The following DHTKD1 variants were observed in gnomAD, a reference collection of about 807,000 sequenced individuals.
The protein encoded by DHTKD1 is dehydrogenase E1 and transketolase domain containing 1, also known as 2-oxoadipate dehydrogenase complex component E1.
In DHTKD1, 78 loss-of-function variants were observed where a neutral mutation model predicts 101.8. The observed-to-expected ratio is 0.77, with a 90% confidence interval of 0.64 to 0.93. The LOEUF is 0.93. Ranked by LOEUF, DHTKD1 falls within the 40% of genes least tolerant of loss-of-function variation. The probability of loss-of-function intolerance (pLI) is 0.00; values close to 1 mark genes in which losing one functional copy is unlikely to be tolerated. For synonymous variants in DHTKD1, 462 were observed against 450.3 expected, an observed-to-expected ratio of 1.03 and a Z score of -0.33; for missense variants, 1,223 against 1,161.7, an observed-to-expected ratio of 1.05 and a Z score of -0.77.
chr10:12,091,509 T>TTA lies in DHTKD1; in HGVS notation c.988-3_988-2dup, dbSNP rs774180375. 1.3e-6 allele frequency: 2 copies of TTA among 1,581,392 alleles called. No homozygotes were observed. Among genetic ancestry groups the TTA allele is most frequent in the East Asian group, 4.6e-5 (2 of 43,040 alleles). ...CCACCCGCTCCCCTTGCCTCATGAT[T>TTA]TAGGTCCATGGTGATGCTTCTTTCT... On this transcript the variant is annotated splice_polypyrimidine_tract_variant and splice_region_variant and intron_variant, in intron 5 of 16. Coordinates refer to ENST00000263035, the MANE Select transcript of DHTKD1 (RefSeq NM_018706.7).
chr10:12,085,855 G>A (rs1377504384), intron 3 of DHTKD1, among the ~76,000 whole-genome samples: 1 of 152,110 alleles, frequency 6.6e-6, no homozygotes, highest in Non-Finnish European at 1.5e-5. Flanking sequence ...CCACTGCAGT[G>A]AGCTAAGATT....
chr10:12,120,662 T>G, intron 16 of DHTKD1, 125 bp from the exon 17 acceptor site: 1 of 806,012 alleles, frequency 1.2e-6, no homozygotes, highest in Non-Finnish European at 2.1e-6. Flanking sequence ...GCGTAACTCA[T>G]TATTTGAAAG....
chr10:12,097,795 T>A lies in DHTKD1; in HGVS notation c.1470T>A (p.Asp490Glu), dbSNP rs750701596. The A allele has an allele frequency of 6.2e-7, 1 of 1,614,060 alleles. No homozygotes were observed. The highest frequency in any genetic ancestry group is 2.2e-5 in the East Asian group (1 of 44,902). Residue 490 changes from aspartate (D) to glutamate (E), a missense_variant, in exon 8 of 17, where the codon GAT (aspartate) becomes GAA (glutamate). Coordinates refer to ENST00000263035, the MANE Select transcript of DHTKD1 (RefSeq NM_018706.7). ...IKSSYYAKLN[D>E]HLNNMAHYRP... is the part of the protein sequence containing the mutation. ...CCTCCTACTATGCCAAGTTGAATGA[T>A]CACTTAAATAACATGGCCCACTACA...
At position 12,107,110 on chromosome 10, in the gene DHTKD1, G is replaced by A. The variant is rs150737074; in HGVS notation, c.2047+714G>A. On this transcript the variant is annotated intron_variant, in intron 11 of 16. Transcript: ENST00000263035. This position sits in a 1 kb window ranked among gnomAD's most constrained non-coding sequence, Gnocchi z 4.1. ...CACGATTCTCCTGCCTCAGCCTCCC[G>A]AGTAGCTGGGACTACATAGGCGCTG... Among the ~76,000 whole-genome samples the A allele has an allele frequency of 2.4e-3, 367 of 151,432 alleles. 1 individual carries two copies. The highest frequency in any genetic ancestry group is 8.5e-3 in the African/African-American group (352 of 41,304).
In DHTKD1 at chr10:12,120,977, T is replaced by C. The variant is rs1015411130; in HGVS notation, c.*89T>C. 3.3e-6 allele frequency: 4 copies of C among 1,215,980 alleles called. No homozygotes were observed. In the African/African-American group the frequency reaches 6.0e-5, roughly 18 times the overall value. The allele number at this position is 1,215,980 out of a possible 1,614,324, so 75.3% of individuals were successfully genotyped here. A position where few individuals can be genotyped will look rare whatever the true frequency, so the allele number is the denominator to read the frequency against. On this transcript the variant is annotated 3_prime_UTR_variant, in exon 17 of 17. Coordinates refer to ENST00000263035, the MANE Select transcript of DHTKD1 (RefSeq NM_018706.7). ...GCACATGCCTGTAATCCCAGCACTTTGGGAGGCCAAGGCTGGTGGATCACC... is the reference window on the plus strand; with the variant it reads ...GCACATGCCTGTAATCCCAGCACTTCGGGAGGCCAAGGCTGGTGGATCACC...
chr10:12,082,333 G>T (rs10906067), intron 2 of DHTKD1, among the ~76,000 whole-genome samples: 3 of 151,980 alleles, frequency 2.0e-5, no homozygotes, highest in East Asian at 3.9e-4. Flanking sequence ...GCTGATACCC[G>T]CCTCATTCTG....
intron 5 of DHTKD1, among the ~76,000 whole-genome samples, chr10:12,090,120 T>G (rs1209358033): frequency 6.6e-6 from 1 of 152,214 alleles, no homozygotes; most frequent in Non-Finnish European, 1.5e-5. Flanking sequence ...TGGGCTGTGG[T>G]CATGTTTCTT....
At position 12,091,726 on chromosome 10, in the gene DHTKD1, T is replaced by C. The variant is rs371139215; in HGVS notation, c.1159+42T>C. ...GGAACTGATATTGCTGAAGCCGACA[T>C]GGAATTCCTAGGGAAACCTCTGGTG... is the stretch of plus-strand genomic sequence containing the variant. On this transcript the variant is annotated intron_variant, in intron 6 of 16. Transcript: ENST00000263035. 2.5e-6 allele frequency: 4 copies of C among 1,591,120 alleles called. No homozygotes were observed. In the Admixed American group the frequency reaches 6.8e-5, roughly 27 times the overall value.
rs550228947 is a variant in DHTKD1, at chr10:12,080,745, T to A, written c.155-727T>A. On this transcript the variant is annotated intron_variant, in intron 1 of 16. Coordinates refer to ENST00000263035, the MANE Select transcript of DHTKD1 (RefSeq NM_018706.7). The stretch of plus-strand genomic sequence containing the variant: ...AAAAGAAAAGAAGAAAAAGAAGAAG[T>A]TTGAAAATATGCTAACAATTGTCTC... Among the ~76,000 whole-genome samples, 85 of 151,164 alleles carry A rather than the reference T, an allele frequency of 5.6e-4. 1 individual carries two copies. The South Asian group carries it at 0.013, about 23-fold the overall frequency.
chr10:12,101,685 C>T (rs768820691), intron 10 of DHTKD1, among the ~76,000 whole-genome samples: 12 of 152,048 alleles, frequency 7.9e-5, no homozygotes, highest in Non-Finnish European at 1.8e-4. Flanking sequence ...CTCACTGCAA[C>T]CTCCACCTCC....
chr10:12,087,767 G>A lies in DHTKD1; in HGVS notation c.717+38G>A, dbSNP rs773515693. 6.0e-6 allele frequency: 9 copies of A among 1,493,536 alleles called. No homozygotes were observed. The highest frequency in any genetic ancestry group is 1.4e-5 in the African/African-American group (1 of 71,428). The allele number at this position is 1,493,536 out of a possible 1,614,324, so 92.5% of individuals were successfully genotyped here. A position where few individuals can be genotyped will look rare whatever the true frequency, so the allele number is the denominator to read the frequency against. On this transcript the variant is annotated intron_variant, in intron 4 of 16. Coordinates refer to ENST00000263035, the MANE Select transcript of DHTKD1 (RefSeq NM_018706.7). This position sits in a 1 kb window ranked among gnomAD's most constrained non-coding sequence, Gnocchi z 5.2. ...GCTGTGTTTCTCAGTAGCACTATATGATTGATTGTAACAGAATAAAACTGC... is the reference window on the plus strand; with the variant it reads ...GCTGTGTTTCTCAGTAGCACTATATAATTGATTGTAACAGAATAAAACTGC...
Position 12,087,571 on chromosome 10 carries a change from G to C in DHTKD1, c.559G>C (p.Val187Leu). ...CTTTCTGGCCACCAAGTTCTCGACA[G>C]TGAAGCGATATGGAGGCGAAGGGGC... ...DHFLATKFSTVKRYGGEGAES... is the reference protein window; with the variant it reads ...DHFLATKFSTLKRYGGEGAES... The change falls in exon 4 of 17, where the codon GTG becomes CTG. Residue 187 changes from valine (V) to leucine (L), a missense_variant. Val to Leu is a conservative substitution (Grantham distance 32). Transcript: ENST00000263035. The surrounding 1 kb of genome is among the most constrained non-coding windows in gnomAD (Gnocchi z 5.2). 6.2e-7 allele frequency: 1 copy of C among 1,611,288 alleles called. No homozygotes were observed. The highest frequency in any genetic ancestry group is 8.5e-7 in the Non-Finnish European group (1 of 1,178,890).
At chr10:12,082,201 C>A (rs1371049624) in intron 2 of DHTKD1, among the ~76,000 whole-genome samples, 1 of 152,110 alleles carries the variant, frequency 6.6e-6, no homozygotes, top group African/African-American at 2.4e-5. Flanking sequence ...TTCTCAAAAT[C>A]ACTCCCAAAA....
At position 12,115,705 on chromosome 10, in the gene DHTKD1, C is replaced by CA. The variant is rs374302165; in HGVS notation, c.2320-1967dup. Among the ~76,000 whole-genome samples, 138 of 152,336 alleles carry CA rather than the reference C, an allele frequency of 9.1e-4. 1 individual carries two copies. The highest frequency in any genetic ancestry group is 3.3e-3 in the African/African-American group (136 of 41,586). On this transcript the variant is annotated intron_variant, in intron 13 of 16. Transcript: ENST00000263035. Reference sequence around the variant, plus strand: ...GGTGACCTCATAAGCCTGGAAGCATCACCAAACATTTAGGAAGAGTTAATG... The same window carrying CA: ...GGTGACCTCATAAGCCTGGAAGCATCAACCAAACATTTAGGAAGAGTTAATG...
At chr10:12,111,919 ACTTTCTC>A in intron 12 of DHTKD1, among the ~76,000 whole-genome samples, 1 of 152,146 alleles carries the variant, frequency 6.6e-6, no homozygotes, top group Non-Finnish European at 1.5e-5. Flanking sequence ...GTCTCCAGCT[ACTTTCTC>A]TGCAGACATG....
intron 2 of DHTKD1, 97 bp from the exon 3 acceptor site, chr10:12,084,443 G>A (rs1832869820): frequency 5.0e-6 from 4 of 793,678 alleles, no homozygotes; most frequent in Non-Finnish European, 8.2e-6. Context: ...TAAACATTGG[G>A]GTTAATTTAG....
chr10:12,100,914 A>T (rs1833158758), intron 9 of DHTKD1, 128 bp from the exon 10 acceptor site: 1 of 915,524 alleles, frequency 1.1e-6, no homozygotes, highest in South Asian at 1.6e-5. Context: ...GACAGCATAT[A>T]TTAATAACTA....
intron 8 of DHTKD1, 55 bp downstream of exon 8, chr10:12,098,051 G>A: frequency 6.7e-7 from 1 of 1,498,098 alleles, no homozygotes; most frequent in South Asian, 1.3e-5. Context: ...CAGCAAAGGA[G>A]CTGACGTTGG....
chr10:12,109,421 G>T (rs1184636850), intron 12 of DHTKD1, among the ~76,000 whole-genome samples: 3 of 151,480 alleles, frequency 2.0e-5, no homozygotes, highest in Non-Finnish European at 4.4e-5. Context: ...TGAAGAAACA[G>T]AGGAAATGAG....
Sources: gnomAD v4.1 joint callset for allele counts (sites outside exome capture counted in the v4.1 genomes callset) on GRCh38, gnomAD v4.1.1 for gene constraint, Gnocchi (gnomAD v3.1) non-coding constraint, MANE v1.5 for transcripts, NCBI Gene and HGNC (gene_info 2026-07-23, HGNC 2026-07-21) for gene names.